Variants in CYB561D1 observed in about 807,000 individuals in gnomAD.
The protein encoded by CYB561D1 is probable transmembrane reductase CYB561D1.
Under a neutral mutation model 19.2 loss-of-function variants are expected in CYB561D1, and 15 were observed. That is an observed-to-expected ratio of 0.78 (90% confidence interval 0.52 to 1.20). CYB561D1 has a LOEUF of 1.20. Ranked by LOEUF, CYB561D1 falls within the 50% of genes most tolerant of loss-of-function variation. CYB561D1 has a pLI of 0.00. For synonymous variants in CYB561D1, 133 were observed against 120.6 expected (o/e 1.10, Z -0.68); for missense variants, 297 against 287.3 (o/e 1.03, Z -0.24).
At chr1:109,494,492 G>T (rs1251923361) in intron 1 of CYB561D1, 35 of 1,543,380 alleles carry the variant, frequency 2.3e-5, no homozygotes, top group Non-Finnish European at 2.8e-5. Flanking sequence ...AAGGGCAGAC[G>T]ATTGAACAGA....
rs1398405975 is a variant in CYB561D1 at position 109,500,112 on chromosome 1, AC to A, written c.*3857del. 6.6e-6 allele frequency: 1 copy of A among 152,196 alleles called. No homozygotes were observed. The highest frequency in any genetic ancestry group is 1.5e-5 in the Non-Finnish European group (1 of 68,034). 9.4% of individuals were successfully genotyped at this position (152,196 alleles called of 1,614,324 possible). A position where few individuals can be genotyped will look rare whatever the true frequency, so the allele number is the denominator to read the frequency against. Reference sequence around the variant, plus strand: ...TTACCTGGCTTGGCCTACAGGGGGCACCCCTGGTCTTGATGCCTCAAGCCCA... The same window carrying A: ...TTACCTGGCTTGGCCTACAGGGGGCACCCTGGTCTTGATGCCTCAAGCCCA... On this transcript the variant is annotated 3_prime_UTR_variant, in exon 3 of 3. Coordinates refer to ENST00000420578, the MANE Select transcript of CYB561D1 (RefSeq NM_182580.3).
At chr1:109,495,262 A>G in intron 2 of CYB561D1, 82 bp downstream of exon 2, 2 of 1,493,592 alleles carry the variant, frequency 1.3e-6, no homozygotes, top group Non-Finnish European at 1.9e-6. Flanking sequence ...CAGAAAGCTC[A>G]GCCTTTCTAA....
chr1:109,494,699 T>C lies in CYB561D1; in HGVS notation c.148+412T>C, dbSNP rs532413123. 3.2e-5 allele frequency: 23 copies of C among 722,762 alleles called. No homozygotes were observed. The East Asian group carries it at 1.5e-3, about 48-fold the overall frequency. The allele number at this position is 722,762 out of a possible 1,614,324, so 44.8% of individuals were successfully genotyped here. On this transcript the variant is annotated intron_variant, in intron 1 of 2. Transcript: ENST00000420578. ...TAAGAATACAAAAATTAGCCAGGCG[T>C]GATGGCGCGCGCCTGTAGTTCCAGC... is the stretch of plus-strand genomic sequence containing the variant.
At chr1:109,495,640 T>G (rs779115452) in intron 2 of CYB561D1, 116 bp from the exon 3 acceptor site, 1 of 1,566,090 alleles carries the variant, frequency 6.4e-7, no homozygotes, top group Non-Finnish European at 8.7e-7. Flanking sequence ...TGGTCCTGGT[T>G]GAACTTATTT....
intron 2 of CYB561D1, 81 bp downstream of exon 2, chr1:109,495,261 C>T: frequency 7.3e-6 from 11 of 1,510,978 alleles, no homozygotes; most frequent in Non-Finnish European, 9.2e-6. Context: ...TCAGAAAGCT[C>T]AGCCTTTCTA....
chr1:109,495,355 AG>A (rs1452821656), intron 2 of CYB561D1, among the ~76,000 whole-genome samples, 175 bp downstream of exon 2: 1 of 152,170 alleles, frequency 6.6e-6, no homozygotes, highest in Non-Finnish European at 1.5e-5. Flanking sequence ...GCTGGGCCAT[AG>A]GCAGTTGTCA....
rs939014428 is a variant in CYB561D1 at position 109,497,101 on chromosome 1, T to A, written c.*842T>A. 1 of 152,792 alleles carries A rather than the reference T, an allele frequency of 6.5e-6. No individual in the cohort carries two copies. Among genetic ancestry groups the A allele is most frequent in the East Asian group, 1.9e-4 (1 of 5,186 alleles). The allele number at this position is 152,792 out of a possible 1,614,324, so 9.5% of individuals were successfully genotyped here. The stretch of plus-strand genomic sequence containing the variant: ...CCAAGCCGAAGGCTGCTGGCTGGGC[T>A]GCCTAGCCCAGCTAAGATCTTCCTT... On this transcript the variant is annotated 3_prime_UTR_variant, in exon 3 of 3. Transcript: ENST00000420578.
In CYB561D1 at chr1:109,495,809, GTTC is replaced by G. The variant is rs769728420; in HGVS notation, c.248_250del (p.Phe83del). Reference sequence around the variant, plus strand: ...TACTCTTCTCACCTGAACACTCCCTGTTCTTCTTCTGCTCCCGAAAAGCACGGA... The same window carrying G: ...TACTCTTCTCACCTGAACACTCCCTGTTCTTCTGCTCCCGAAAAGCACGGA... On this transcript the variant is annotated inframe_deletion, in exon 3 of 3. Coordinates refer to ENST00000420578, the MANE Select transcript of CYB561D1 (RefSeq NM_182580.3). 77 of 1,613,954 alleles carry G rather than the reference GTTC, an allele frequency of 4.8e-5. No homozygotes were observed. The highest frequency in any genetic ancestry group is 4.3e-4 in the Admixed American group (26 of 60,008).
In CYB561D1 at chr1:109,499,271, G is replaced by A. The variant is rs1657761855; in HGVS notation, c.*3012G>A. The A allele has an allele frequency of 6.6e-6, 1 of 152,366 alleles. No homozygotes were observed. The highest frequency in any genetic ancestry group is 1.5e-5 in the Non-Finnish European group (1 of 68,192). 9.4% of individuals were successfully genotyped at this position (152,366 alleles called of 1,614,324 possible). The stretch of plus-strand genomic sequence containing the variant: ...CTCCTCTCTCCCCACCCTTTCACAA[G>A]GCAGGCTGCCCTTCCGCACTCACTG... On this transcript the variant is annotated 3_prime_UTR_variant, in exon 3 of 3. Coordinates refer to ENST00000420578, the MANE Select transcript of CYB561D1 (RefSeq NM_182580.3).
chr1:109,494,604 A>C (rs1657396260), intron 1 of CYB561D1: 1 of 1,347,752 alleles, frequency 7.4e-7, no homozygotes. Context: ...TGGGAGGCCG[A>C]CGCGGGTGGA....
In CYB561D1 at chr1:109,496,176, C is replaced by T. The variant is rs1168763731; in HGVS notation, c.607C>T (p.Leu203=). The change falls in exon 3 of 3, where the codon CTG becomes TTG. Residue 203 remains leucine (L), a synonymous_variant. Coordinates refer to ENST00000420578, the MANE Select transcript of CYB561D1 (RefSeq NM_182580.3). The stretch of plus-strand genomic sequence containing the variant: ...CAAAGGTGCGGCCTGGTACCTGTGC[C>T]TGGCACTGCCCGTCTATCCAGCCCT... ...QIKGAAWYLC[L]ALPVYPALVI... 1 of 1,611,512 alleles carries T rather than the reference C, an allele frequency of 6.2e-7. No individual in the cohort carries two copies. The highest frequency in any genetic ancestry group is 2.2e-5 in the East Asian group (1 of 44,758).
chr1:109,496,031 C>G lies in CYB561D1; in HGVS notation c.462C>G (p.Ala154=). ...TCTGCCTCCTTTGTCCCCGGGCAGC[C>G]AGGGTCTCAAGGGTGGCTCGCCTCA... ...CGLCLLCPRA[A]RVSRVARLKL... Residue 154 remains alanine, a synonymous_variant, in exon 3 of 3, where the codon GCC becomes GCG. Transcript: ENST00000420578. 1 of 1,610,030 alleles carries G rather than the reference C, an allele frequency of 6.2e-7. No individual in the cohort carries two copies. Among genetic ancestry groups the G allele is most frequent in the Non-Finnish European group, 8.5e-7 (1 of 1,176,746 alleles).
chr1:109,494,432 G>A (rs900620439), intron 1 of CYB561D1, 145 bp downstream of exon 1: 4 of 1,546,036 alleles, frequency 2.6e-6, no homozygotes, highest in Non-Finnish European at 3.5e-6. Flanking sequence ...GGCCTGGTGG[G>A]GCGGGGCCCC....
chr1:109,495,035 G>T (rs1657442092), intron 1 of CYB561D1, 108 bp from the exon 2 acceptor site: 2 of 1,339,206 alleles, frequency 1.5e-6, no homozygotes, highest in Non-Finnish European at 1.1e-6. Context: ...GCCCGATTAG[G>T]ATTGGGGATG....
rs570397071 is a variant in CYB561D1 at position 109,495,664 on chromosome 1, T to TAAAG, written c.187-92_187-91insAAAG. The TAAAG allele has an allele frequency of 1.0e-4, 160 of 1,606,172 alleles. No homozygotes were observed. The African/African-American group carries it at 1.9e-3, about 19-fold the overall frequency. On this transcript the variant is annotated intron_variant, in intron 2 of 2. Transcript: ENST00000420578. ...TTGAACTTATTTAACCCTTACCCTT[T>TAAAG]GTCCTCTTTGTTAGGATGTATGAGA... is the stretch of plus-strand genomic sequence containing the variant.
chr1:109,494,377 A>T, intron 1 of CYB561D1, 90 bp downstream of exon 1: 1 of 1,520,342 alleles, frequency 6.6e-7, no homozygotes, highest in South Asian at 1.3e-5. Context: ...TGGAGGAGGG[A>T]CCCCAGCAGT....
Position 109,499,974 on chromosome 1 carries a change from C to T in CYB561D1, c.*3715C>T, listed in dbSNP as rs542405122. 7 of 152,342 alleles carry T rather than the reference C, an allele frequency of 4.6e-5. No individual in the cohort carries two copies. The highest frequency in any genetic ancestry group is 2.1e-4 in the South Asian group (1 of 4,828). 9.4% of individuals were successfully genotyped at this position (152,342 alleles called of 1,614,324 possible). On this transcript the variant is annotated 3_prime_UTR_variant, in exon 3 of 3. Transcript: ENST00000420578. ...CTCAGTAAACTAATAAGACTTGCAC[C>T]TGACAAAGGTCAAGATATGTAGGGA...
rs769114431 is a variant in CYB561D1 at position 109,496,092 on chromosome 1, C to T, written c.523C>T (p.Leu175=). 18 of 1,614,186 alleles carry T rather than the reference C, an allele frequency of 1.1e-5. No homozygotes were observed. Among genetic ancestry groups the T allele is most frequent in the Non-Finnish European group, 1.5e-5 (18 of 1,180,020 alleles). The part of the protein sequence containing the change: ...YHLTCGLVVY[L]MATVTVLLGM... ...TCTGACATGTGGACTGGTGGTCTAC[C>T]TGATGGCTACAGTAACGGTGCTTCT... The change falls in exon 3 of 3, where the codon CTG becomes TTG. Residue 175 remains leucine (L), a synonymous_variant. Transcript: ENST00000420578.
At chr1:109,495,652 A>G (rs1319070068) in intron 2 of CYB561D1, 104 bp from the exon 3 acceptor site, 1 of 1,589,912 alleles carries the variant, frequency 6.3e-7, no homozygotes, top group Admixed American at 1.7e-5. Context: ...AACTTATTTA[A>G]CCCTTACCCT....
Sources: allele counts gnomAD v4.1 joint callset (sites outside exome capture counted in the v4.1 genomes callset), GRCh38; gene constraint gnomAD v4.1.1; transcripts MANE v1.5; gene names NCBI Gene and HGNC (gene_info 2026-07-23, HGNC 2026-07-21).